The following SSBP3 variants were observed in gnomAD, a reference collection of about 807,000 sequenced individuals.
SSBP3 encodes single-stranded DNA-binding protein 3.
Under a neutral mutation model 69.6 loss-of-function variants are expected in SSBP3, and 5 were observed. That is an observed-to-expected ratio of 0.07 (90% CI 0.04 to 0.15). The LOEUF is 0.15. Among genes scored for constraint, SSBP3 ranks in the 10% least tolerant of loss-of-function variants. SSBP3 has a pLI of 1.00. For synonymous variants in SSBP3, 196 were observed against 193.4 expected, an observed-to-expected ratio of 1.01 and a Z score of -0.11; for missense variants, 312 against 534.0, an observed-to-expected ratio of 0.58 and a Z score of 4.10.
At chr1:54,322,254 A>G (rs1252438283) in intron 4 of SSBP3, among the ~76,000 whole-genome samples, 5 of 152,204 alleles carry the variant, frequency 3.3e-5, no homozygotes, top group Non-Finnish European at 5.9e-5. Context: ...GACAAGGACT[A>G]AAGACACCTG....
chr1:54,330,912 C>A (rs979505805), intron 4 of SSBP3, among the ~76,000 whole-genome samples: 9 of 152,162 alleles, frequency 5.9e-5, no homozygotes, highest in African/African-American at 2.2e-4. Context: ...GAGCAGGGAT[C>A]CCCCAATGCA....
At chr1:54,346,269 G>A (rs1286702259) in intron 4 of SSBP3, among the ~76,000 whole-genome samples, 1 of 151,246 alleles carries the variant, frequency 6.6e-6, no homozygotes, top group Non-Finnish European at 1.5e-5. Context: ...AAGTTGCAGT[G>A]AGCCTAGATC....
intron 4 of SSBP3, among the ~76,000 whole-genome samples, chr1:54,291,871 C>T (rs1404444792): frequency 6.6e-6 from 1 of 152,246 alleles, no homozygotes; most frequent in East Asian, 1.9e-4. Context: ...GTTCTCCTGC[C>T]TGAAATCCAG....
intron 3 of SSBP3, among the ~76,000 whole-genome samples, chr1:54,403,968 ACT>A (rs2100825110): frequency 7.5e-6 from 1 of 133,886 alleles, no homozygotes; most frequent in Non-Finnish European, 1.5e-5. Context: ...TGCGAGGTCG[ACT>A]CTGACCAGTT....
intron 4 of SSBP3, among the ~76,000 whole-genome samples, chr1:54,342,540 G>A (rs75254178): frequency 0.08 from 12,184 of 151,980 alleles, 605 homozygotes; most frequent in Admixed American, 0.14. Flanking sequence ...CCATTCCCAG[G>A]CAAGGCCTCC....
rs147661426 is a variant in SSBP3 at position 54,301,111 on chromosome 1, G to A, written c.277-19584C>T. 1.9e-4 allele frequency among the ~76,000 whole-genome samples: 29 copies of A among 152,246 alleles called. No homozygotes were observed. The East Asian group carries it at 2.1e-3, about 11-fold the overall frequency. ...AGGACAGGAATCAACATCCCCACTT[G>A]CTTGGGAAAACTGGGGCTCAGAGAG... On this transcript the variant is annotated intron_variant, in intron 4 of 17. Coordinates refer to ENST00000610401, the Ensembl canonical transcript of SSBP3.
At chr1:54,406,942 T>G (rs1356865745), upstream of SSBP3, among the ~76,000 whole-genome samples, 1 of 145,464 alleles carries the variant, frequency 6.9e-6, no homozygotes, top group Non-Finnish European at 1.5e-5. Context: ...CTCCCCAGAC[T>G]CCAGCCCGGC....
At chr1:54,373,769 GAAAA>G (rs567212062) in intron 4 of SSBP3, among the ~76,000 whole-genome samples, 63 of 104,546 alleles carry the variant, frequency 6.0e-4, no homozygotes, top group African/African-American at 2.1e-3. Context: ...CCTGTTTCAA[GAAAA>G]AAAAAAAAAA....
intron 4 of SSBP3, among the ~76,000 whole-genome samples, chr1:54,346,519 A>C (rs1646693307): frequency 1.3e-5 from 2 of 151,986 alleles, no homozygotes; most frequent in African/African-American, 2.4e-5. Context: ...TCTTATTTAG[A>C]AATACAGTCT....
chr1:54,331,723 A>AG (rs1205878664), intron 4 of SSBP3, among the ~76,000 whole-genome samples: 2 of 152,228 alleles, frequency 1.3e-5, no homozygotes, highest in African/African-American at 4.8e-5. Context: ...GTCACCAAAA[A>AG]GGAAGAGCAA....
At chr1:54,317,788 G>A (rs1646140229) in intron 4 of SSBP3, among the ~76,000 whole-genome samples, 1 of 152,080 alleles carries the variant, frequency 6.6e-6, no homozygotes, top group Non-Finnish European at 1.5e-5. Context: ...TTTTTAAGAT[G>A]AAATCTTGTT....
intron 4 of SSBP3, among the ~76,000 whole-genome samples, chr1:54,313,069 G>A (rs1483062232): frequency 1.5e-5 from 2 of 137,898 alleles, no homozygotes; most frequent in East Asian, 4.6e-4. Flanking sequence ...TCATTCCACC[G>A]ACAAACAAGC....
At chr1:54,263,762 T>C (rs11580067) in intron 5 of SSBP3, among the ~76,000 whole-genome samples, 63,103 of 152,108 alleles carry the variant, frequency 0.41, 13,272 homozygotes, top group South Asian at 0.48. Context: ...ACAGGTACCT[T>C]GGGGCAGGGC....
At chr1:54,389,779 G>A (rs556652295) in intron 4 of SSBP3, among the ~76,000 whole-genome samples, 1 of 152,152 alleles carries the variant, frequency 6.6e-6, no homozygotes, top group Non-Finnish European at 1.5e-5. Flanking sequence ...TGGGAAGGCT[G>A]AGCCAGGAGA....
At chr1:54,242,593 G>T (rs1468791035) in intron 10 of SSBP3, among the ~76,000 whole-genome samples, 1 of 152,198 alleles carries the variant, frequency 6.6e-6, no homozygotes, top group Non-Finnish European at 1.5e-5. Flanking sequence ...AGCTGTGTGA[G>T]CCTGGGCAAG....
At chr1:54,232,738 A>G (rs1042734081) in intron 14 of SSBP3, among the ~76,000 whole-genome samples, 6 of 147,098 alleles carry the variant, frequency 4.1e-5, no homozygotes, top group Admixed American at 1.4e-4. Context: ...GATTGCAGGC[A>G]CGCGCCGCCA....
At chr1:54,353,259 A>G (rs1646811551) in intron 4 of SSBP3, among the ~76,000 whole-genome samples, 1 of 152,188 alleles carries the variant, frequency 6.6e-6, no homozygotes. Flanking sequence ...GGGCAGACCC[A>G]TTCTTTCCGT....
At chr1:54,331,827 A>G (rs939819302) in intron 4 of SSBP3, among the ~76,000 whole-genome samples, 2 of 152,208 alleles carry the variant, frequency 1.3e-5, no homozygotes, top group African/African-American at 4.8e-5. Flanking sequence ...ACCCACAGCC[A>G]AGGCAACTGT....
intron 14 of SSBP3, chr1:54,237,924 C>T: frequency 2.8e-6 from 1 of 355,042 alleles, no homozygotes; most frequent in Non-Finnish European, 5.8e-6. Context: ...CGACAGTGAC[C>T]ACTCGAGGCA....
Sources: gnomAD v4.1 joint callset for allele counts (sites outside exome capture counted in the v4.1 genomes callset) on GRCh38, gnomAD v4.1.1 for gene constraint, MANE v1.5 for transcripts, NCBI Gene and HGNC (gene_info 2026-07-23, HGNC 2026-07-21) for gene names.